Variants in METTL16 observed in about 807,000 individuals in gnomAD.
METTL16 encodes RNA N(6)-adenosine-methyltransferase METTL16.
A neutral mutation model predicts 57.9 loss-of-function variants in METTL16; 19 were observed. The observed-to-expected ratio is 0.33, with a 90% confidence interval of 0.23 to 0.48. The LOEUF (loss-of-function observed/expected upper bound fraction) is 0.48, where lower values mean the gene tolerates loss of function less well. Ranked by LOEUF, METTL16 falls within the 20% of genes least tolerant of loss-of-function variation. METTL16 has a pLI of 0.99. For synonymous variants in METTL16, 246 were observed against 255.6 expected, an observed-to-expected ratio of 0.96 and a Z score of 0.36; for missense variants, 434 against 691.5, an observed-to-expected ratio of 0.63 and a Z score of 4.18.
At chr17:2,432,781 A>G (rs1042044216) in intron 8 of METTL16, among the ~76,000 whole-genome samples, 4 of 152,180 alleles carry the variant, frequency 2.6e-5, no homozygotes, top group Non-Finnish European at 5.9e-5. Context: ...AAATGGTGGG[A>G]AATGACAACA....
chr17:2,455,818 C>A (rs138619388), intron 6 of METTL16, among the ~76,000 whole-genome samples: 1 of 151,768 alleles, frequency 6.6e-6, no homozygotes, highest in Non-Finnish European at 1.5e-5. Flanking sequence ...CCCATCTCTA[C>A]AAAAAAATGC....
intron 6 of METTL16, among the ~76,000 whole-genome samples, chr17:2,448,802 T>TAAAAAAAAAAAAAAAAAA (rs71150866): frequency 2.3e-5 from 1 of 43,640 alleles, no homozygotes; most frequent in Non-Finnish European, 3.9e-5. Context: ...AAATAAAATT[T>TAAAAAAAAAAAAAAAAAA]AAAAAAAAAA....
chr17:2,504,753 G>T (rs1432783972), intron 1 of METTL16, among the ~76,000 whole-genome samples: 2 of 151,880 alleles, frequency 1.3e-5, no homozygotes, highest in Non-Finnish European at 2.9e-5. Context: ...TTTATTTTTT[G>T]TAGAGACAGG....
intron 8 of METTL16, among the ~76,000 whole-genome samples, chr17:2,437,071 G>C (rs560778143): frequency 6.6e-6 from 1 of 151,886 alleles, no homozygotes; most frequent in Non-Finnish European, 1.5e-5. Context: ...TTGTAGAGAC[G>C]GGGTTTCACC....
intron 6 of METTL16, among the ~76,000 whole-genome samples, chr17:2,444,177 G>A (rs1161532743): frequency 1.3e-5 from 2 of 152,090 alleles, no homozygotes; most frequent in African/African-American, 4.8e-5. Context: ...GATTAAAATG[G>A]AGTTGAGGCC....
chr17:2,436,911 G>A (rs1273331056), intron 8 of METTL16: 1 of 127,784 alleles, frequency 7.8e-6, no homozygotes, highest in African/African-American at 3.3e-5. Flanking sequence ...TCACTCTGTT[G>A]CCCCAGGCTG....
At chr17:2,440,706 C>T (rs2066943392) in intron 7 of METTL16, among the ~76,000 whole-genome samples, 1 of 152,018 alleles carries the variant, frequency 6.6e-6, no homozygotes, top group African/African-American at 2.4e-5. Context: ...TGCAATGGTG[C>T]ACACCTGTAA....
chr17:2,506,434 C>T (rs553700993), intron 1 of METTL16, among the ~76,000 whole-genome samples: 4 of 151,564 alleles, frequency 2.6e-5, no homozygotes, highest in Admixed American at 6.6e-5. Context: ...TGCAGGCGCA[C>T]GCCGCCACGC....
chr17:2,471,187 A>C (rs2067232170), intron 4 of METTL16, among the ~76,000 whole-genome samples: 1 of 152,192 alleles, frequency 6.6e-6, no homozygotes, highest in African/African-American at 2.4e-5. Context: ...AAACTCCTAG[A>C]AAGTAACAGA....
intron 8 of METTL16, among the ~76,000 whole-genome samples, chr17:2,433,180 C>A (rs1346177114): frequency 6.6e-6 from 1 of 152,158 alleles, no homozygotes; most frequent in African/African-American, 2.4e-5. Context: ...TAAGTTGGAA[C>A]TGGGCTGGGT....
chr17:2,462,069 T>C (rs965091953), intron 6 of METTL16, among the ~76,000 whole-genome samples: 8 of 152,114 alleles, frequency 5.3e-5, no homozygotes, highest in African/African-American at 1.9e-4. Context: ...TTATTCACAA[T>C]AGCCAAAGGG....
At chr17:2,502,794 G>A (rs1214119781) in intron 1 of METTL16, among the ~76,000 whole-genome samples, 1 of 152,060 alleles carries the variant, frequency 6.6e-6, no homozygotes, top group Non-Finnish European at 1.5e-5. Context: ...TTTTTAAAAT[G>A]CATACAACAA....
At chr17:2,446,394 G>C (rs555754420) in intron 6 of METTL16, among the ~76,000 whole-genome samples, 1 of 152,304 alleles carries the variant, frequency 6.6e-6, no homozygotes, top group East Asian at 1.9e-4. Context: ...AGAAGACATG[G>C]TCTTCTACGC....
intron 5 of METTL16, among the ~76,000 whole-genome samples, chr17:2,465,669 C>G (rs1237233300): frequency 1.3e-5 from 2 of 151,738 alleles, no homozygotes; most frequent in African/African-American, 2.4e-5. Context: ...TCGAGACCAG[C>G]CTGGCCAACA....
chr17:2,426,132 G>A (rs907823981), intron 8 of METTL16, among the ~76,000 whole-genome samples: 2 of 151,598 alleles, frequency 1.3e-5, no homozygotes, highest in Non-Finnish European at 2.9e-5. Flanking sequence ...TGGTGCGCAC[G>A]AAGCCACAAC....
chr17:2,447,732 C>T (rs1266598705), intron 6 of METTL16, among the ~76,000 whole-genome samples: 1 of 141,956 alleles, frequency 7.0e-6, no homozygotes, highest in African/African-American at 2.7e-5. Flanking sequence ...GCCCGGCCAG[C>T]CGCCCAGTCC....
At chr17:2,428,501 C>G (rs1007074239) in intron 8 of METTL16, among the ~76,000 whole-genome samples, 1 of 124,388 alleles carries the variant, frequency 8.0e-6, no homozygotes, top group Non-Finnish European at 1.6e-5. Context: ...GCACTCCAGC[C>G]CAGGCGACAG....
At chr17:2,463,869 A>G (rs983632177) in intron 6 of METTL16, among the ~76,000 whole-genome samples, 4 of 151,996 alleles carry the variant, frequency 2.6e-5, no homozygotes, top group African/African-American at 4.8e-5. Flanking sequence ...CCTCATGCCT[A>G]TAATTCCAGC....
At chr17:2,494,859 A>C (rs908538006) in intron 2 of METTL16, among the ~76,000 whole-genome samples, 5 of 152,012 alleles carry the variant, frequency 3.3e-5, no homozygotes, top group African/African-American at 1.2e-4. Context: ...ACAGCCAGGC[A>C]TGGTGGCGTG....
Sources: gnomAD v4.1 joint callset for allele counts (sites outside exome capture counted in the v4.1 genomes callset) on GRCh38, gnomAD v4.1.1 for gene constraint, MANE v1.5 for transcripts, NCBI Gene and HGNC (gene_info 2026-07-23, HGNC 2026-07-21) for gene names.